SHLD1: variants seen among roughly 807,000 people sequenced by gnomAD.
The protein encoded by SHLD1 is shieldin complex subunit 1, also known as RINN1-REV7-interacting novel NHEJ regulator 3.
In SHLD1, 3 loss-of-function variants were observed where a neutral mutation model predicts 5.5. The observed-to-expected ratio is 0.54, with a 90% confidence interval of 0.25 to 1.40. The LOEUF is 1.40. SHLD1 is among the 40% of genes most tolerant of loss of function. SHLD1 has a pLI of 0.15. For missense variants in SHLD1, 210 were observed against 244.4 expected (o/e 0.86, Z 0.94); for synonymous variants, 92 against 94.3 (o/e 0.98, Z 0.14).
At chr20:5,771,384 A>G (rs1985143536) in intron 1 of SHLD1, among the ~76,000 whole-genome samples, 1 of 152,168 alleles carries the variant, frequency 6.6e-6, no homozygotes, top group Non-Finnish European at 1.5e-5. Flanking sequence ...AGTAATTTTT[A>G]TGCTTTTCAG....
intron 2 of SHLD1, among the ~76,000 whole-genome samples, chr20:5,862,745 T>C (rs992127382): frequency 6.6e-6 from 1 of 152,192 alleles, no homozygotes; most frequent in Non-Finnish European, 1.5e-5. Context: ...TATATGTATA[T>C]TTTTTACATC....
chr20:5,853,361 G>A (rs755145241), intron 2 of SHLD1, among the ~76,000 whole-genome samples: 12 of 152,076 alleles, frequency 7.9e-5, no homozygotes, highest in Non-Finnish European at 1.5e-4. Flanking sequence ...CAGGAGAATC[G>A]CTTGAACCTG....
chr20:5,835,582 G>T (rs924596722), intron 2 of SHLD1, among the ~76,000 whole-genome samples: 23 of 152,146 alleles, frequency 1.5e-4, no homozygotes, highest in Admixed American at 1.1e-3. Context: ...GAAGAAAACT[G>T]GGAAGCAGAG....
At chr20:5,833,548 A>G (rs922063224) in intron 2 of SHLD1, among the ~76,000 whole-genome samples, 6 of 151,918 alleles carry the variant, frequency 3.9e-5, no homozygotes, top group Non-Finnish European at 7.4e-5. Context: ...CTGCTTGATT[A>G]TGTTGCTATA....
intron 2 of SHLD1, among the ~76,000 whole-genome samples, chr20:5,847,768 C>A (rs183960536): frequency 6.6e-6 from 1 of 152,252 alleles, no homozygotes; most frequent in East Asian, 1.9e-4. Flanking sequence ...ACAGGAAAAC[C>A]CAAACACTGC....
intron 2 of SHLD1, among the ~76,000 whole-genome samples, chr20:5,801,431 AGGGCTT>A (rs2087292764): frequency 6.6e-6 from 1 of 152,186 alleles, no homozygotes; most frequent in African/African-American, 2.4e-5. Context: ...AGAACTCCGA[AGGGCTT>A]CTCATTGGCA....
intron 2 of SHLD1, among the ~76,000 whole-genome samples, chr20:5,803,289 G>T (rs1481866540): frequency 6.6e-6 from 1 of 151,974 alleles, no homozygotes; most frequent in African/African-American, 2.4e-5. Context: ...CAGCCTCCCA[G>T]GTAGCTGGGA....
At chr20:5,798,678 C>T (rs1282505930) in intron 2 of SHLD1, among the ~76,000 whole-genome samples, 4 of 150,034 alleles carry the variant, frequency 2.7e-5, no homozygotes, top group Non-Finnish European at 5.9e-5. Flanking sequence ...AGTGCAGTGG[C>T]GAGAGCTCGG....
At chr20:5,807,196 AT>A (rs1011554734) in intron 2 of SHLD1, among the ~76,000 whole-genome samples, 4 of 152,378 alleles carry the variant, frequency 2.6e-5, no homozygotes, top group African/African-American at 9.6e-5. Flanking sequence ...AATTAAAAAA[AT>A]AAACCTGAAA....
At chr20:5,758,004 G>A (rs1392115035) in intron 1 of SHLD1, among the ~76,000 whole-genome samples, 2 of 152,040 alleles carry the variant, frequency 1.3e-5, no homozygotes, top group Non-Finnish European at 2.9e-5. Flanking sequence ...GATTTCTTGC[G>A]CTATCTTTAC....
chr20:5,767,428 G>A (rs1035941534), intron 1 of SHLD1, among the ~76,000 whole-genome samples: 19 of 152,162 alleles, frequency 1.2e-4, no homozygotes, highest in Middle Eastern at 6.8e-3. Context: ...ATCAGCCACC[G>A]CGCCTGGCCT....
chr20:5,809,551 C>G (rs1188596546), intron 2 of SHLD1, among the ~76,000 whole-genome samples: 1 of 152,044 alleles, frequency 6.6e-6, no homozygotes, highest in East Asian at 1.9e-4. Flanking sequence ...CTCAGCAGCT[C>G]CAGCTCTAGC....
At chr20:5,820,905 C>G (rs1258932402) in intron 2 of SHLD1, among the ~76,000 whole-genome samples, 1 of 152,128 alleles carries the variant, frequency 6.6e-6, no homozygotes, top group East Asian at 1.9e-4. Flanking sequence ...TAGATCTAGG[C>G]TGTCTTAGAG....
At chr20:5,844,499 T>C (rs1327848988) in intron 2 of SHLD1, among the ~76,000 whole-genome samples, 1 of 152,114 alleles carries the variant, frequency 6.6e-6, no homozygotes, top group Non-Finnish European at 1.5e-5. Flanking sequence ...GGCTTCTGTG[T>C]TTGACACTCC....
At chr20:5,856,834 A>G (rs1320997343) in intron 2 of SHLD1, among the ~76,000 whole-genome samples, 4 of 152,226 alleles carry the variant, frequency 2.6e-5, no homozygotes, top group Non-Finnish European at 5.9e-5. Flanking sequence ...ACTGTACAGC[A>G]CATTACAGGA....
chr20:5,784,182 A>C (rs2087025595), intron 2 of SHLD1, among the ~76,000 whole-genome samples: 1 of 151,202 alleles, frequency 6.6e-6, no homozygotes, highest in Non-Finnish European at 1.5e-5. Context: ...AAAACCACAG[A>C]GCCCAGCTAA....
intron 1 of SHLD1, among the ~76,000 whole-genome samples, chr20:5,769,774 C>T (rs917997354): frequency 3.9e-5 from 6 of 151,982 alleles, no homozygotes; most frequent in Admixed American, 2.6e-4. Flanking sequence ...GAGGCTGAGA[C>T]GGGTGGATCA....
At chr20:5,789,163 AGT>A (rs1290016410) in intron 2 of SHLD1, among the ~76,000 whole-genome samples, 1 of 151,384 alleles carries the variant, frequency 6.6e-6, no homozygotes, top group African/African-American at 2.4e-5. Flanking sequence ...GAAAAGAAAA[AGT>A]GATGTCTGAT....
chr20:5,800,857 GCGTA>G (rs11467459), intron 2 of SHLD1, among the ~76,000 whole-genome samples: 126,259 of 150,292 alleles, frequency 0.84, 53,038 homozygotes, highest in East Asian at 0.98. Flanking sequence ...GTGTGTGTGT[GCGTA>G]TGTCTATATC....
Sources: gnomAD v4.1 joint callset for allele counts (sites outside exome capture counted in the v4.1 genomes callset) on GRCh38, gnomAD v4.1.1 for gene constraint, MANE v1.5 for transcripts, NCBI Gene and HGNC (gene_info 2026-07-23, HGNC 2026-07-21) for gene names.